Variants in CSGALNACT1 observed in about 807,000 individuals in gnomAD.
CSGALNACT1 encodes beta4GalNAcT-1.
CSGALNACT1 carries 52 observed loss-of-function variants against 51.0 expected under a neutral mutation model. That is an observed-to-expected ratio of 1.02 (90% CI 0.82 to 1.29). CSGALNACT1 has a LOEUF of 1.29. CSGALNACT1 is among the 50% of genes most tolerant of loss of function. The probability of loss-of-function intolerance (pLI) is 0.00; values close to 1 mark genes in which losing one functional copy is unlikely to be tolerated. For missense variants in CSGALNACT1, 935 were observed against 679.2 expected (o/e 1.38, Z -4.19); for synonymous variants, 341 against 254.4 (o/e 1.34, Z -3.24).
At chr8:19,512,348 C>G (rs185683706) in intron 3 of CSGALNACT1, among the ~76,000 whole-genome samples, 1 of 152,208 alleles carries the variant, frequency 6.6e-6, no homozygotes, top group Non-Finnish European at 1.5e-5. Flanking sequence ...AACCAGAGAG[C>G]TTGATTGCAA....
chr8:19,741,267 G>C (rs1320535351), intron 1 of CSGALNACT1, among the ~76,000 whole-genome samples: 1 of 152,130 alleles, frequency 6.6e-6, no homozygotes, highest in African/African-American at 2.4e-5. Flanking sequence ...GCCCTCAGAG[G>C]TGAAAAGGGA....
At chr8:19,533,534 G>A (rs1443039476) in intron 3 of CSGALNACT1, among the ~76,000 whole-genome samples, 1 of 152,080 alleles carries the variant, frequency 6.6e-6, no homozygotes, top group Non-Finnish European at 1.5e-5. Context: ...TTCTTCGCTA[G>A]TGTACCTTCT....
chr8:19,632,155 A>T (rs1424104140), intron 1 of CSGALNACT1, among the ~76,000 whole-genome samples: 2 of 152,262 alleles, frequency 1.3e-5, no homozygotes, highest in Non-Finnish European at 2.9e-5. Context: ...AAGAAAGAGA[A>T]ATCACCCAAT....
In CSGALNACT1 at chr8:19,756,226, T is replaced by TAC. The variant is rs535231963; in HGVS notation, c.-297+1623_-297+1624insGT. On this transcript the variant is annotated intron_variant, in intron 1 of 1. Transcript: ENST00000517494. ...CAGAATTAAATTTAAATTTCCAGTT[T>TAC]AAAAAAAAAAACCGTGAAAGAACAC... 3.5e-3 allele frequency among the ~76,000 whole-genome samples: 526 copies of TAC among 149,572 alleles called. 4 individuals are homozygous for TAC. Among genetic ancestry groups the TAC allele is most frequent in the African/African-American group, 0.013 (514 of 40,746 alleles).
chr8:19,665,234 A>T (rs1365396037), intron 1 of CSGALNACT1, among the ~76,000 whole-genome samples: 1 of 152,206 alleles, frequency 6.6e-6, no homozygotes, highest in Non-Finnish European at 1.5e-5. Flanking sequence ...ATACAAAATC[A>T]AAGAAAAAAA....
intron 4 of CSGALNACT1, among the ~76,000 whole-genome samples, chr8:19,464,612 G>T (rs1397890156): frequency 6.6e-6 from 1 of 152,110 alleles, no homozygotes; most frequent in Non-Finnish European, 1.5e-5. Flanking sequence ...GGGGAGCAGT[G>T]GGTGAGTGAG....
At chr8:19,526,250 G>A (rs529011188) in intron 3 of CSGALNACT1, among the ~76,000 whole-genome samples, 1 of 152,098 alleles carries the variant, frequency 6.6e-6, no homozygotes, top group African/African-American at 2.4e-5. Context: ...TTAACTAGAG[G>A]GGCAGAACAG....
chr8:19,651,922 TTTG>T (rs367723413), intron 1 of CSGALNACT1, among the ~76,000 whole-genome samples: 68,726 of 148,344 alleles, frequency 0.46, 16,319 homozygotes, highest in Middle Eastern at 0.58. Flanking sequence ...TCTGTTTTTT[TTTG>T]TTTTGTTTTG....
chr8:19,543,743 G>A (rs1048170680), intron 3 of CSGALNACT1, among the ~76,000 whole-genome samples: 1 of 152,072 alleles, frequency 6.6e-6, no homozygotes, highest in African/African-American at 2.4e-5. Flanking sequence ...TTTTCCCTTG[G>A]TGACACTGTA....
At chr8:19,457,597 A>G (rs1361250018) in intron 5 of CSGALNACT1, 1 of 1,099,168 alleles carries the variant, frequency 9.1e-7, no homozygotes, top group African/African-American at 1.6e-5. Context: ...TGGGTGACAG[A>G]GTAAGACTCC....
chr8:19,556,992 A>G (rs964260266), intron 3 of CSGALNACT1, among the ~76,000 whole-genome samples: 1 of 152,154 alleles, frequency 6.6e-6, no homozygotes. Flanking sequence ...AAAAAAAAAA[A>G]AAAAAGTCTT....
At chr8:19,615,859 G>C (rs1022127844) in intron 1 of CSGALNACT1, among the ~76,000 whole-genome samples, 6 of 151,728 alleles carry the variant, frequency 4.0e-5, no homozygotes, top group Admixed American at 6.6e-5. Context: ...ACAGGACAAA[G>C]AACATGTGAA....
At chr8:19,461,978 A>G (rs1290902137) in intron 4 of CSGALNACT1, among the ~76,000 whole-genome samples, 1 of 152,082 alleles carries the variant, frequency 6.6e-6, no homozygotes, top group East Asian at 1.9e-4. Context: ...TGGACAGGAT[A>G]GCTGCACAGC....
intron 4 of CSGALNACT1, among the ~76,000 whole-genome samples, chr8:19,477,291 T>C (rs1314681274): frequency 2.6e-5 from 4 of 152,198 alleles, no homozygotes; most frequent in African/African-American, 4.8e-5. Context: ...GTTCCCTGTG[T>C]AGGACAAAGA....
rs17128714 is a variant in CSGALNACT1, at chr8:19,591,470, G to A, written c.-415-192C>T. On this transcript the variant is annotated intron_variant, in intron 2 of 9. Transcript: ENST00000454498. ...TAGTCACTTATAGTCCTTTTTGGGC[G>A]TTTATATTCATCCATCTTCAATTTA... is the stretch of plus-strand genomic sequence containing the variant. 1.5e-3 allele frequency among the ~76,000 whole-genome samples: 223 copies of A among 152,268 alleles called. 1 individual carries two copies. Among genetic ancestry groups the A allele is most frequent in the African/African-American group, 4.9e-3 (204 of 41,554 alleles).
At position 19,565,744 on chromosome 8, in the gene CSGALNACT1, C is replaced by T. The variant is rs28578312; in HGVS notation, c.-297+25416G>A. On this transcript the variant is annotated intron_variant, in intron 3 of 9. Coordinates refer to ENST00000454498, the Ensembl canonical transcript of CSGALNACT1. ...GACCAGCCTGGCCAACACGGTGAAACGCTGTCTCTACTAAAAATGCAAAAA... is the reference window on the plus strand; with the variant it reads ...GACCAGCCTGGCCAACACGGTGAAATGCTGTCTCTACTAAAAATGCAAAAA... Among the ~76,000 whole-genome samples the T allele has an allele frequency of 5.9e-3, 901 of 152,216 alleles. 8 individuals are homozygous for T. The highest frequency in any genetic ancestry group is 0.02 in the African/African-American group (851 of 41,542).
intron 6 of CSGALNACT1, among the ~76,000 whole-genome samples, chr8:19,422,336 G>C (rs988134146): frequency 2.6e-5 from 4 of 152,046 alleles, no homozygotes; most frequent in African/African-American, 4.8e-5. Context: ...GGGACTACAA[G>C]TGCATGCTAC....
At chr8:19,523,632 C>A (rs2081142464) in intron 3 of CSGALNACT1, among the ~76,000 whole-genome samples, 1 of 152,154 alleles carries the variant, frequency 6.6e-6, no homozygotes, top group African/African-American at 2.4e-5. Context: ...ACTTTTCTAG[C>A]ATTCAGTAAA....
At chr8:19,553,869 G>A (rs2088952055) in intron 3 of CSGALNACT1, among the ~76,000 whole-genome samples, 1 of 149,234 alleles carries the variant, frequency 6.7e-6, no homozygotes, top group Non-Finnish European at 1.5e-5. Context: ...ATGTCATGAG[G>A]AAAATAATCA....
Sources: allele counts gnomAD v4.1 joint callset (sites outside exome capture counted in the v4.1 genomes callset), GRCh38; gene constraint gnomAD v4.1.1; transcripts MANE v1.5; gene names NCBI Gene and HGNC (gene_info 2026-07-23, HGNC 2026-07-21).